Variants in SCRN1 observed in about 807,000 individuals in gnomAD.
The protein encoded by SCRN1 is secernin-1.
Under a neutral mutation model 43.3 loss-of-function variants are expected in SCRN1, and 19 were observed. The ratio of observed to expected loss-of-function variants is 0.44; its 90% CI spans 0.31 to 0.64. SCRN1 has a LOEUF of 0.64. Among genes scored for constraint, SCRN1 ranks in the 30% least tolerant of loss-of-function variants. The pLI, the probability that SCRN1 is intolerant of heterozygous loss-of-function variation, is 0.09. For synonymous variants in SCRN1, 183 were observed against 188.9 expected, an observed-to-expected ratio of 0.97 and a Z score of 0.26; for missense variants, 447 against 524.1, an observed-to-expected ratio of 0.85 and a Z score of 1.44.
chr7:29,953,991 T>C (rs1788044793), intron 3 of SCRN1, among the ~76,000 whole-genome samples: 1 of 152,194 alleles, frequency 6.6e-6, no homozygotes, highest in African/African-American at 2.4e-5. Context: ...CAATCTTCTT[T>C]CAACTATGTC....
chr7:29,958,205 A>G (rs988077185), intron 2 of SCRN1, among the ~76,000 whole-genome samples: 2 of 152,170 alleles, frequency 1.3e-5, no homozygotes, highest in Non-Finnish European at 2.9e-5. Flanking sequence ...GGGCTCTTCT[A>G]TGACAGCCAT....
At chr7:29,987,691 C>T (rs1278393675) in intron 1 of SCRN1, among the ~76,000 whole-genome samples, 1 of 152,192 alleles carries the variant, frequency 6.6e-6, no homozygotes, top group Non-Finnish European at 1.5e-5. Flanking sequence ...GTTTGGCTTC[C>T]CATTGCTCGA....
intron 1 of SCRN1, among the ~76,000 whole-genome samples, chr7:29,975,890 AGT>A (rs1332990109): frequency 1.3e-5 from 2 of 152,218 alleles, no homozygotes; most frequent in Non-Finnish European, 2.9e-5. Flanking sequence ...ATTTATCTGT[AGT>A]TTGTACTATA....
intron 1 of SCRN1, among the ~76,000 whole-genome samples, chr7:29,984,750 G>A (rs1401717133): frequency 1.3e-5 from 2 of 149,184 alleles, no homozygotes; most frequent in Non-Finnish European, 3.0e-5. Context: ...GTGAAACCCC[G>A]CCTCTACTAA....
chr7:29,955,928 G>C (rs1243984461), intron 2 of SCRN1, among the ~76,000 whole-genome samples: 1 of 152,160 alleles, frequency 6.6e-6, no homozygotes, highest in Non-Finnish European at 1.5e-5. Context: ...GGGATTTCCT[G>C]CCTGTCCCAT....
chr7:29,972,547 C>T (rs1003425554), intron 1 of SCRN1, among the ~76,000 whole-genome samples: 1 of 152,146 alleles, frequency 6.6e-6, no homozygotes, highest in Non-Finnish European at 1.5e-5. Flanking sequence ...CCAAGGGAGG[C>T]TGGCTTTTCC....
upstream of SCRN1, chr7:29,989,961 C>T: frequency 1.6e-6 from 2 of 1,252,048 alleles, no homozygotes; most frequent in Non-Finnish European, 2.0e-6. Flanking sequence ...AGGGAGGGGG[C>T]CTGGGAGCTG....
At chr7:29,958,640 A>C (rs1295243414) in intron 2 of SCRN1, among the ~76,000 whole-genome samples, 2 of 152,248 alleles carry the variant, frequency 1.3e-5, no homozygotes, top group Non-Finnish European at 2.9e-5. Flanking sequence ...AGTGTTCACC[A>C]CTTAAAAGAT....
chr7:29,962,968 C>A (rs1788375362), intron 2 of SCRN1, among the ~76,000 whole-genome samples: 2 of 151,506 alleles, frequency 1.3e-5, no homozygotes, highest in Non-Finnish European at 2.9e-5. Context: ...AAAGCAGATT[C>A]AGTAGTATGT....
intron 2 of SCRN1, among the ~76,000 whole-genome samples, chr7:29,962,420 C>T (rs1226656391): frequency 6.6e-6 from 1 of 151,958 alleles, no homozygotes; most frequent in Non-Finnish European, 1.5e-5. Flanking sequence ...GGCATGGTGG[C>T]TCACGCCTGT....
At chr7:29,942,244 T>C (rs1413692681) in intron 4 of SCRN1, among the ~76,000 whole-genome samples, 5 of 152,228 alleles carry the variant, frequency 3.3e-5, no homozygotes, top group Non-Finnish European at 7.3e-5. Context: ...ATAGTAGACA[T>C]TTGCTTTTAA....
intron 2 of SCRN1, among the ~76,000 whole-genome samples, chr7:29,960,573 A>C (rs568179710): frequency 1.3e-5 from 2 of 152,316 alleles, no homozygotes; most frequent in African/African-American, 4.8e-5. Context: ...ACCAAGTATA[A>C]GTAATGTAAA....
chr7:29,951,061 G>T (rs1787903675), intron 3 of SCRN1, among the ~76,000 whole-genome samples: 2 of 152,268 alleles, frequency 1.3e-5, no homozygotes, highest in African/African-American at 4.8e-5. Context: ...AAGAGCTGCA[G>T]CCCTTTGGGG....
intron 6 of SCRN1, among the ~76,000 whole-genome samples, chr7:29,928,655 A>T (rs1186689071): frequency 6.6e-6 from 1 of 152,038 alleles, no homozygotes; most frequent in East Asian, 1.9e-4. Context: ...ACCTGCTCAA[A>T]GTCAAGCCCT....
intron 6 of SCRN1, among the ~76,000 whole-genome samples, chr7:29,931,159 T>A (rs1036329321): frequency 6.6e-6 from 1 of 152,234 alleles, no homozygotes; most frequent in Non-Finnish European, 1.5e-5. Flanking sequence ...GGATGCAGCA[T>A]GCCAATGCAA....
At position 29,923,876 on chromosome 7, in the gene SCRN1, C is replaced by G; in HGVS notation, c.*81G>C. 6.9e-7 allele frequency: 1 copy of G among 1,443,382 alleles called. No homozygotes were observed. The highest frequency in any genetic ancestry group is 9.4e-7 in the Non-Finnish European group (1 of 1,065,556). 89.4% of individuals were successfully genotyped at this position (1,443,382 alleles called of 1,614,324 possible). On this transcript the variant is annotated 3_prime_UTR_variant, in exon 8 of 8. Coordinates refer to ENST00000242059, the MANE Select transcript of SCRN1 (RefSeq NM_014766.5). ...CACATATTAACTTTCTCATTTTACT[C>G]AAACAGGAGAGTGGTTTGTTTTGCT...
At chr7:29,928,923 C>T (rs1179681888) in intron 6 of SCRN1, among the ~76,000 whole-genome samples, 1 of 152,164 alleles carries the variant, frequency 6.6e-6, no homozygotes, top group African/African-American at 2.4e-5. Flanking sequence ...GTTGATTCTG[C>T]AAAAGGGCTG....
At chr7:29,931,325 G>A (rs1465761801) in intron 6 of SCRN1, among the ~76,000 whole-genome samples, 1 of 152,200 alleles carries the variant, frequency 6.6e-6, no homozygotes, top group Non-Finnish European at 1.5e-5. Flanking sequence ...GCAAATATGT[G>A]TTGAGCCCTG....
intron 2 of SCRN1, among the ~76,000 whole-genome samples, chr7:29,966,635 G>A (rs982435853): frequency 6.6e-6 from 1 of 152,094 alleles, no homozygotes; most frequent in Non-Finnish European, 1.5e-5. Flanking sequence ...AACCTAACAT[G>A]CTCACCAGGG....
Sources: gnomAD v4.1 joint callset for allele counts (sites outside exome capture counted in the v4.1 genomes callset) on GRCh38, gnomAD v4.1.1 for gene constraint, MANE v1.5 for transcripts, NCBI Gene and HGNC (gene_info 2026-07-23, HGNC 2026-07-21) for gene names.